The following GNPTAB variants were observed in gnomAD, a reference collection of about 807,000 sequenced individuals.
The protein encoded by GNPTAB is N-acetylglucosamine-1-phosphotransferase subunits alpha/beta.
GNPTAB carries 92 observed loss-of-function variants against 136.6 expected under a neutral mutation model. That is an observed-to-expected ratio of 0.67 (90% confidence interval 0.57 to 0.80). The LOEUF (loss-of-function observed/expected upper bound fraction) is 0.80, where lower values mean the gene tolerates loss of function less well. Ranked by LOEUF, GNPTAB falls within the 30% of genes least tolerant of loss-of-function variation. GNPTAB has a pLI of 0.00. For synonymous variants in GNPTAB, 512 were observed against 535.1 expected (o/e 0.96, Z 0.60); for missense variants, 1,343 against 1,501.8 (o/e 0.89, Z 1.75).
intron 1 of GNPTAB, among the ~76,000 whole-genome samples, chr12:101,826,359 C>T (rs992318804): frequency 6.6e-6 from 1 of 152,182 alleles, no homozygotes; most frequent in African/African-American, 2.4e-5. Context: ...ACCATACCCC[C>T]ACACACAGAT....
Position 101,764,151 on chromosome 12 carries a change from A to T in GNPTAB, c.2715+51T>A, listed in dbSNP as rs778793198. The T allele has an allele frequency of 6.8e-6, 11 of 1,611,946 alleles. No homozygotes were observed. The East Asian group carries it at 2.2e-4, about 33-fold the overall frequency. ...GTAGCTATAATGATATTATCATGAG[A>T]TTATTTACTCTTCCTGAGCATGAGA... On this transcript the variant is annotated intron_variant, in intron 13 of 20. Transcript: ENST00000299314.
At chr12:101,799,273 G>A (rs1869475510) in intron 1 of GNPTAB, among the ~76,000 whole-genome samples, 2 of 152,178 alleles carry the variant, frequency 1.3e-5, no homozygotes, top group African/African-American at 4.8e-5. Context: ...GCAGGAGAAT[G>A]TAATGCCAGC....
At chr12:101,799,874 G>C (rs548711817) in intron 1 of GNPTAB, among the ~76,000 whole-genome samples, 1 of 151,970 alleles carries the variant, frequency 6.6e-6, no homozygotes. Flanking sequence ...GGGGGTGGGA[G>C]GGAAGAGGAG....
chr12:101,761,785 T>C, intron 13 of GNPTAB, 22 bp from the exon 14 acceptor site: 2 of 1,533,298 alleles, frequency 1.3e-6, no homozygotes, highest in Non-Finnish European at 1.8e-6. Context: ...ATTCTACATG[T>C]AACTCAGCAT....
At chr12:101,813,245 T>C (rs1221267082) in intron 1 of GNPTAB, among the ~76,000 whole-genome samples, 1 of 152,204 alleles carries the variant, frequency 6.6e-6, no homozygotes, top group East Asian at 1.9e-4. Context: ...AAAAACCACT[T>C]GAAAACGTAA....
rs913305100 is a variant in GNPTAB, at chr12:101,770,605, T to C, written c.934-20A>G. On this transcript the variant is annotated intron_variant, in intron 8 of 20. Coordinates refer to ENST00000299314, the MANE Select transcript of GNPTAB (RefSeq NM_024312.5). The stretch of plus-strand genomic sequence containing the variant: ...CTTAGACTGAGAAAAACACTTGGCA[T>C]ATGAAGATGTGAAATACCCCTTAAG... 1.3e-6 allele frequency: 2 copies of C among 1,586,096 alleles called. No individual in the cohort carries two copies. Among genetic ancestry groups the C allele is most frequent in the Non-Finnish European group, 8.7e-7 (1 of 1,155,336 alleles).
rs147645211 is a variant in GNPTAB at position 101,770,113 on chromosome 12, G to C, written c.1192C>G (p.Leu398Val). 1 of 1,613,944 alleles carries C rather than the reference G, an allele frequency of 6.2e-7. No homozygotes were observed. Among genetic ancestry groups the C allele is most frequent in the Non-Finnish European group, 8.5e-7 (1 of 1,179,936 alleles). The change falls in exon 10 of 21, where the codon CTG (leucine) becomes GTG (valine). Residue 398 changes from leucine to valine, a missense_variant. Coordinates refer to ENST00000299314, the MANE Select transcript of GNPTAB (RefSeq NM_024312.5). ...IESHIHRIEG[L>V]SQKFIYLNDD... ...TTTAGGTAAATAAACTTCTGGGACA[G>C]CCCTTCGATGCGATGAATGTGACTT...
At chr12:101,761,476 G>C in intron 14 of GNPTAB, 88 bp downstream of exon 14, 1 of 1,439,938 alleles carries the variant, frequency 6.9e-7, no homozygotes, top group Non-Finnish European at 9.8e-7. Context: ...AAATATTAGA[G>C]CTATAAATTT....
intron 2 of GNPTAB, 183 bp downstream of exon 2, chr12:101,796,491 GTTT>G (rs1019929418): frequency 3.3e-6 from 2 of 604,122 alleles, no homozygotes; most frequent in Admixed American, 5.9e-5. Context: ...TATCGTTCCA[GTTT>G]TTTTTTCCTT....
At chr12:101,771,281 G>C in intron 7 of GNPTAB, 124 bp from the exon 8 acceptor site, 1 of 852,972 alleles carries the variant, frequency 1.2e-6, no homozygotes, top group East Asian at 2.7e-5. Flanking sequence ...GTCTCGCTCT[G>C]TCGCCAGGCT....
At chr12:101,791,460 C>CAA (rs548798010) in intron 2 of GNPTAB, among the ~76,000 whole-genome samples, 2,342 of 85,408 alleles carry the variant, frequency 0.027, 60 homozygotes, top group African/African-American at 0.074. Context: ...GTTGATGAGC[C>CAA]AAAAAAAAAA....
At chr12:101,749,612 A>G (rs1417406999) in intron 19 of GNPTAB, among the ~76,000 whole-genome samples, 6 of 152,250 alleles carry the variant, frequency 3.9e-5, no homozygotes, top group Admixed American at 2.0e-4. Flanking sequence ...CTGACTGATG[A>G]CTTGCCATCA....
At chr12:101,757,696 G>T in intron 16 of GNPTAB, 39 bp from the exon 17 acceptor site, 2 of 979,002 alleles carry the variant, frequency 2.0e-6, no homozygotes, top group Non-Finnish European at 3.3e-6. Flanking sequence ...TCACATCAGA[G>T]CTGAAACTAG....
intron 2 of GNPTAB, among the ~76,000 whole-genome samples, chr12:101,791,395 C>CA (rs1263674034): frequency 2.1e-5 from 3 of 146,052 alleles, no homozygotes. Flanking sequence ...CCCTGGGCCA[C>CA]AGTGGGAGAA....
intron 1 of GNPTAB, among the ~76,000 whole-genome samples, chr12:101,824,870 T>C (rs1211380756): frequency 6.6e-6 from 1 of 152,176 alleles, no homozygotes; most frequent in African/African-American, 2.4e-5. Flanking sequence ...CTAGCTGCAA[T>C]GTTAAACCAC....
chr12:101,767,910 C>A (rs1953118031), intron 11 of GNPTAB, 127 bp downstream of exon 11: 2 of 1,067,988 alleles, frequency 1.9e-6, no homozygotes, highest in East Asian at 5.1e-5. Context: ...AGCCACCATG[C>A]CCAGCATTAC....
chr12:101,780,662 A>C (rs1953328650), intron 5 of GNPTAB, 41 bp from the exon 6 acceptor site: 1 of 1,218,506 alleles, frequency 8.2e-7, no homozygotes, highest in South Asian at 1.2e-5. Flanking sequence ...TTTTTAATGA[A>C]TACTCAACTA....
chr12:101,793,513 G>A (rs1202819472), intron 2 of GNPTAB, among the ~76,000 whole-genome samples: 1 of 152,116 alleles, frequency 6.6e-6, no homozygotes, highest in East Asian at 1.9e-4. Flanking sequence ...CTGACAAATG[G>A]AAGGAGACTG....
chr12:101,819,526 G>C (rs1870694383), intron 1 of GNPTAB, among the ~76,000 whole-genome samples: 1 of 152,064 alleles, frequency 6.6e-6, no homozygotes, highest in African/African-American at 2.4e-5. Context: ...TTTATCAAAG[G>C]AAAAAGAAAA....
Sources: allele counts gnomAD v4.1 joint callset (sites outside exome capture counted in the v4.1 genomes callset), GRCh38; gene constraint gnomAD v4.1.1; transcripts MANE v1.5; gene names NCBI Gene and HGNC (gene_info 2026-07-23, HGNC 2026-07-21).